RMP64: variants seen among roughly 807,000 people sequenced by gnomAD.
The protein encoded by RMP64 is nucleolus and neural progenitor protein.
At chr3:113,005,827 C>T in the RMP64 span, 3 of 1,613,982 alleles carry the variant, frequency 1.9e-6, no homozygotes, top group Non-Finnish European at 2.5e-6. Context: ...CTTGAGAGAA[C>T]TGCTGAATTT....
chr3:113,010,643 C>G, the RMP64 span: 13 of 1,612,492 alleles, frequency 8.1e-6, no homozygotes, highest in Admixed American at 1.7e-5. Context: ...CCAGACAAAC[C>G]TGAGTAGCTT....
chr3:113,017,646 G>A, the RMP64 span: 2 of 1,540,264 alleles, frequency 1.3e-6, no homozygotes, highest in Non-Finnish European at 1.8e-6. Flanking sequence ...TATTTCTACA[G>A]TAAGTATATT....
the RMP64 span, chr3:113,012,800 T>G: frequency 6.2e-7 from 1 of 1,602,032 alleles, no homozygotes; most frequent in Middle Eastern, 1.7e-4. Context: ...ACCTAGATGT[T>G]TCACAGTCAA....
the RMP64 span, among the ~76,000 whole-genome samples, chr3:113,018,468 G>A: frequency 1.3e-5 from 2 of 152,206 alleles, no homozygotes; most frequent in South Asian, 2.1e-4. Context: ...AAAGTGTGTA[G>A]GATGGATATA....
At chr3:113,008,105 C>G in the RMP64 span, 13 of 1,457,364 alleles carry the variant, frequency 8.9e-6, no homozygotes, top group Non-Finnish European at 1.0e-5. Flanking sequence ...GAAAAGTGAC[C>G]TGAATACTTT....
chr3:113,013,961 AAAC>A, the RMP64 span: 4 of 1,612,376 alleles, frequency 2.5e-6, no homozygotes, highest in Non-Finnish European at 2.5e-6. Flanking sequence ...ACTTGGAAGA[AAAC>A]AACTCAAACA....
the RMP64 span, chr3:113,013,348 C>A: frequency 4.3e-6 from 7 of 1,613,906 alleles, no homozygotes; most frequent in Non-Finnish European, 5.9e-6. Context: ...AACACCAACT[C>A]CACCACTGGC....
the RMP64 span, chr3:113,014,836 C>T: frequency 6.6e-6 from 1 of 151,958 alleles, no homozygotes; most frequent in East Asian, 1.9e-4. Flanking sequence ...TCTCTTTCTC[C>T]CTTCTCTCTC....
the RMP64 span, chr3:113,010,515 G>A: frequency 2.8e-6 from 2 of 702,662 alleles, no homozygotes; most frequent in Non-Finnish European, 4.9e-6. Flanking sequence ...AGCACACACT[G>A]ACAACTAAGA....
At chr3:113,012,128 G>C in the RMP64 span, among the ~76,000 whole-genome samples, 24 of 152,168 alleles carry the variant, frequency 1.6e-4, no homozygotes, top group Non-Finnish European at 7.3e-5. Context: ...TGTACTGAGA[G>C]ACATGAAAGA....
chr3:113,013,132 G>A, the RMP64 span: 1 of 871,660 alleles, frequency 1.1e-6, no homozygotes, highest in East Asian at 2.6e-5. Flanking sequence ...CCTGAGAAAA[G>A]GAGGCCAAGA....
chr3:113,005,544 C>G, the RMP64 span: 1 of 1,603,282 alleles, frequency 6.2e-7, no homozygotes, highest in Admixed American at 1.7e-5. Context: ...ATCTAAACTC[C>G]CATTAAAGCA....
At chr3:113,005,972 G>C in the RMP64 span, 1 of 1,613,336 alleles carries the variant, frequency 6.2e-7, no homozygotes, top group East Asian at 2.2e-5. Flanking sequence ...GTTGCAAATA[G>C]ACGTTTTTAT....
At chr3:113,016,079 G>A in the RMP64 span, among the ~76,000 whole-genome samples, 280 of 152,150 alleles carry the variant, frequency 1.8e-3, 1 homozygote, top group East Asian at 0.031. Context: ...GCATGCAGGT[G>A]TGTTGAGTCC....
At chr3:113,004,092 TCTC>T in the RMP64 span, 1 of 152,174 alleles carries the variant, frequency 6.6e-6, no homozygotes. Context: ...TAGAATGAAA[TCTC>T]CTTGGTATTG....
the RMP64 span, chr3:113,014,087 T>C: frequency 3.7e-6 from 4 of 1,069,968 alleles, no homozygotes; most frequent in African/African-American, 3.1e-5. Flanking sequence ...ACAGGGTCAC[T>C]GATTATGACC....
chr3:113,008,302 T>C, the RMP64 span: 26 of 1,614,090 alleles, frequency 1.6e-5, no homozygotes, highest in Non-Finnish European at 5.1e-6. Context: ...CAGAAAGTTG[T>C]GTGAAGGACT....
the RMP64 span, chr3:113,012,777 T>G: frequency 6.2e-7 from 1 of 1,610,036 alleles, no homozygotes; most frequent in Non-Finnish European, 8.5e-7. Flanking sequence ...TTTAAAATAA[T>G]GAACTCTTGC....
At chr3:113,014,079 A>G in the RMP64 span, 1 of 1,165,958 alleles carries the variant, frequency 8.6e-7, no homozygotes, top group Non-Finnish European at 1.3e-6. Flanking sequence ...TAATGCAGAC[A>G]GGGTCACTGA....
Sources: gnomAD v4.1 joint callset for allele counts (sites outside exome capture counted in the v4.1 genomes callset) on GRCh38, gnomAD v4.1.1 for gene constraint, MANE v1.5 for transcripts, NCBI Gene and HGNC (gene_info 2026-07-23, HGNC 2026-07-21) for gene names.